CLPX: variants seen among roughly 807,000 people sequenced by gnomAD.
CLPX encodes caseinolytic mitochondrial matrix peptidase chaperone subunit X.
CLPX carries 34 observed loss-of-function variants against 76.4 expected under a neutral mutation model. That is an observed-to-expected ratio of 0.45 (90% CI 0.34 to 0.59). The LOEUF is 0.59. Among genes scored for constraint, CLPX ranks in the 20% least tolerant of loss-of-function variants. The pLI is 0.01. For synonymous variants in CLPX, 248 were observed against 270.9 expected (o/e 0.92, Z 0.83); for missense variants, 613 against 757.0 (o/e 0.81, Z 2.23).
intron 4 of CLPX, among the ~76,000 whole-genome samples, chr15:65,166,340 C>T (rs2087912334): frequency 6.6e-6 from 1 of 151,950 alleles, no homozygotes; most frequent in South Asian, 2.1e-4. Flanking sequence ...GTTGCTTGCT[C>T]TATTGTAGAT....
chr15:65,166,577 C>A, intron 4 of CLPX, 54 bp downstream of exon 4: 2 of 1,561,972 alleles, frequency 1.3e-6, no homozygotes, highest in Admixed American at 1.8e-5. Flanking sequence ...GAGAGGGAAG[C>A]AATGGAATGT....
At chr15:65,182,493 A>G (rs1474931549) in intron 1 of CLPX, among the ~76,000 whole-genome samples, 3 of 152,268 alleles carry the variant, frequency 2.0e-5, no homozygotes, top group East Asian at 3.8e-4. Context: ...AGCAAAAAGT[A>G]TGGACAATAT....
rs773093157 is a variant in CLPX, at chr15:65,152,581, T to C, written c.1705-45A>G. ...TGAATCACATTGAAAACAGATTACATACAAGTGCTTTTATTCTATAAATCA... is the reference window on the plus strand; with the variant it reads ...TGAATCACATTGAAAACAGATTACACACAAGTGCTTTTATTCTATAAATCA... On this transcript the variant is annotated intron_variant, in intron 12 of 13. Coordinates refer to ENST00000300107, the MANE Select transcript of CLPX (RefSeq NM_006660.5). The C allele has an allele frequency of 8.7e-6, 9 of 1,035,118 alleles. 1 individual carries two copies. In the South Asian group the frequency reaches 8.8e-5, roughly 10 times the overall value. 64.1% of individuals were successfully genotyped at this position (1,035,118 alleles called of 1,614,324 possible). A position where few individuals can be genotyped will look rare whatever the true frequency, so the allele number is the denominator to read the frequency against.
At position 65,157,831 on chromosome 15, in the gene CLPX, C is replaced by T; in HGVS notation, c.972G>A (p.Gln324=). 2 of 1,613,900 alleles carry T rather than the reference C, an allele frequency of 1.2e-6. No homozygotes were observed. Among genetic ancestry groups the T allele is most frequent in the Non-Finnish European group, 8.5e-7 (1 of 1,179,910 alleles). The part of the protein sequence containing the change: ...FAICDCTTLT[Q]AGYVGEDIES... ...CAATATCTTCGCCTACATATCCAGC[C>T]TGAGTCAAAGTTGTACAGTCACAGA... The change falls in exon 8 of 14, where the codon CAG becomes CAA. Residue 324 remains glutamine, a synonymous_variant. Transcript: ENST00000300107.
At chr15:65,182,054 C>T (rs1408341146) in intron 1 of CLPX, among the ~76,000 whole-genome samples, 1 of 147,518 alleles carries the variant, frequency 6.8e-6, no homozygotes, top group African/African-American at 2.5e-5. Flanking sequence ...ACCCAGGAAG[C>T]AGAGGTTGCA....
rs1212429691 is a variant in CLPX, at chr15:65,148,663, T to C, written c.*2160A>G. On this transcript the variant is annotated 3_prime_UTR_variant, in exon 14 of 14. Transcript: ENST00000300107. ...AGCCCAACTCTTCATCAACAAGATTTAGAATTTCCTAATAGCTTTAGTTTT... is the reference window on the plus strand; with the variant it reads ...AGCCCAACTCTTCATCAACAAGATTCAGAATTTCCTAATAGCTTTAGTTTT... 6 of 152,068 alleles carry C rather than the reference T, an allele frequency of 3.9e-5. No individual in the cohort carries two copies. 9.4% of individuals were successfully genotyped at this position (152,068 alleles called of 1,614,324 possible). A position where few individuals can be genotyped will look rare whatever the true frequency, so the allele number is the denominator to read the frequency against.
intron 4 of CLPX, among the ~76,000 whole-genome samples, chr15:65,165,771 T>G (rs2087904333): frequency 6.6e-6 from 1 of 152,210 alleles, no homozygotes; most frequent in Admixed American, 6.5e-5. Flanking sequence ...TTTTCCATTT[T>G]TAATGACAAA....
chr15:65,166,494 G>T, intron 4 of CLPX, 137 bp downstream of exon 4: 1 of 879,220 alleles, frequency 1.1e-6, no homozygotes, highest in Non-Finnish European at 1.8e-6. Flanking sequence ...TAACAATTTA[G>T]CCACATATGG....
intron 3 of CLPX, among the ~76,000 whole-genome samples, chr15:65,168,862 CT>C (rs879531675): frequency 1.4e-3 from 205 of 144,074 alleles, no homozygotes; most frequent in Non-Finnish European, 1.6e-3. Context: ...TTTCTTTTCT[CT>C]TTTTTTTTTT....
chr15:65,174,367 C>T (rs2088058064), intron 3 of CLPX, among the ~76,000 whole-genome samples: 1 of 151,880 alleles, frequency 6.6e-6, no homozygotes, highest in African/African-American at 2.4e-5. Context: ...CGGGTTCAAG[C>T]AATTCTCCTG....
chr15:65,156,689 TTAGGATC>T, intron 9 of CLPX, 148 bp downstream of exon 9: 1 of 427,870 alleles, frequency 2.3e-6, no homozygotes, highest in East Asian at 3.5e-5. Flanking sequence ...CAACTTTCTT[TTAGGATC>T]TAAACTACTT....
intron 6 of CLPX, among the ~76,000 whole-genome samples, chr15:65,160,100 A>G (rs1174573950): frequency 2.0e-5 from 3 of 152,208 alleles, no homozygotes; most frequent in African/African-American, 7.2e-5. Context: ...GGCATGAGAC[A>G]CCGCGCCTGG....
At chr15:65,179,736 A>G (rs1566987183) in intron 2 of CLPX, among the ~76,000 whole-genome samples, 1 of 152,218 alleles carries the variant, frequency 6.6e-6, no homozygotes, top group Non-Finnish European at 1.5e-5. Flanking sequence ...GCCATGGGTT[A>G]TAAGAGTTAT....
Position 65,150,779 on chromosome 15 carries a change from C to G in CLPX, c.*44G>C. The G allele has an allele frequency of 1.5e-6, 2 of 1,364,528 alleles. No individual in the cohort carries two copies. Among genetic ancestry groups the G allele is most frequent in the Middle Eastern group, 1.8e-4 (1 of 5,524 alleles). 84.5% of individuals were successfully genotyped at this position (1,364,528 alleles called of 1,614,324 possible). ...CTGTAGAGACAATTATGATCCTAAA[C>G]AAAAGAAGGAAAAGCTGTATATACA... is the stretch of plus-strand genomic sequence containing the variant. On this transcript the variant is annotated 3_prime_UTR_variant, in exon 14 of 14. Transcript: ENST00000300107.
intron 3 of CLPX, among the ~76,000 whole-genome samples, chr15:65,170,822 C>CTTTTTT (rs749248279): frequency 3.6e-4 from 43 of 118,570 alleles, no homozygotes; most frequent in South Asian, 5.8e-4. Flanking sequence ...TTCTGTTCTT[C>CTTTTTT]TTTTTTTTTT....
At chr15:65,169,660 G>A (rs190976054) in intron 3 of CLPX, among the ~76,000 whole-genome samples, 9 of 152,108 alleles carry the variant, frequency 5.9e-5, no homozygotes, top group East Asian at 1.9e-4. Context: ...AGGTTGCAGT[G>A]AGCCGAGATG....
chr15:65,160,773 A>G (rs1464948292), intron 6 of CLPX, among the ~76,000 whole-genome samples: 1 of 152,236 alleles, frequency 6.6e-6, no homozygotes, highest in Non-Finnish European at 1.5e-5. Flanking sequence ...AATAATTTAA[A>G]TGATACAGAT....
chr15:65,185,106 G>A lies in CLPX; in HGVS notation c.48C>T (p.Leu16=). The A allele has an allele frequency of 6.3e-7, 1 of 1,584,792 alleles. No individual in the cohort carries two copies. The highest frequency in any genetic ancestry group is 8.6e-7 in the Non-Finnish European group (1 of 1,166,610). The change falls in exon 1 of 14, where the codon CTC becomes CTT. Residue 16 remains leucine, a synonymous_variant. Transcript: ENST00000300107. ...GCGCGGAGGCGAGTGAGGAGGTGAT[G>A]AGCCGGACGGCCGCCGCGCCGCAAG... The part of the protein sequence containing the change: ...ACTCGAAAVR[L]ITSSLASAQR...
At chr15:65,184,917 T>C (rs1248355002) in intron 1 of CLPX, among the ~76,000 whole-genome samples, 158 bp downstream of exon 1, 2 of 152,200 alleles carry the variant, frequency 1.3e-5, no homozygotes, top group South Asian at 2.1e-4. Flanking sequence ...AGAGCCCCAT[T>C]CCACGGGGAA....
Sources: allele counts gnomAD v4.1 joint callset (sites outside exome capture counted in the v4.1 genomes callset), GRCh38; gene constraint gnomAD v4.1.1; transcripts MANE v1.5; gene names NCBI Gene and HGNC (gene_info 2026-07-23, HGNC 2026-07-21).